NKAIN2: variants seen among roughly 807,000 people sequenced by gnomAD.
NKAIN2 encodes the protein sodium/potassium transporting ATPase interacting 2.
In NKAIN2, 14 loss-of-function variants were observed where a neutral mutation model predicts 32.6. That is an observed-to-expected ratio of 0.43 (90% confidence interval 0.28 to 0.67). The LOEUF is 0.67. Among genes scored for constraint, NKAIN2 ranks in the 30% least tolerant of loss-of-function variants. NKAIN2 has a pLI of 0.17. For synonymous variants in NKAIN2, 80 were observed against 87.2 expected, an observed-to-expected ratio of 0.92 and a Z score of 0.46; for missense variants, 198 against 258.3, an observed-to-expected ratio of 0.77 and a Z score of 1.60.
At chr6:124,312,739 G>C (rs1479974874) in intron 2 of NKAIN2, among the ~76,000 whole-genome samples, 1 of 152,148 alleles carries the variant, frequency 6.6e-6, no homozygotes, top group Non-Finnish European at 1.5e-5. Context: ...AATGTGATTG[G>C]ACAAAAGGGT....
At position 124,186,205 on chromosome 6, in the gene NKAIN2, G is replaced by A. The variant is rs538701250; in HGVS notation, c.55-96800G>A. Among the ~76,000 whole-genome samples, 138 of 111,636 alleles carry A rather than the reference G, an allele frequency of 1.2e-3. 1 individual carries two copies. Among genetic ancestry groups the A allele is most frequent in the African/African-American group, 7.4e-3 (134 of 18,066 alleles). The allele number at this position is 111,636 out of a possible 152,430, so 73.2% of individuals were successfully genotyped here. On this transcript the variant is annotated intron_variant, in intron 1 of 6. Transcript: ENST00000368417. ...AGAAAGGAAGGAAGGAAGGAAAGAA[G>A]GAAAGAAGGAAGGAAGGAAGGAAAG...
chr6:124,173,292 A>G (rs1421658591), intron 1 of NKAIN2, among the ~76,000 whole-genome samples: 4 of 151,772 alleles, frequency 2.6e-5, no homozygotes, highest in East Asian at 1.9e-4. Flanking sequence ...CATAACACCA[A>G]CCTGTTCTAC....
intron 4 of NKAIN2, among the ~76,000 whole-genome samples, chr6:124,677,682 A>G (rs984058622): frequency 2.0e-5 from 3 of 152,162 alleles, no homozygotes; most frequent in African/African-American, 4.8e-5. Context: ...ACATATTTTT[A>G]TAGTAATAGT....
intron 2 of NKAIN2, among the ~76,000 whole-genome samples, chr6:124,298,098 C>T (rs1458923814): frequency 6.6e-6 from 1 of 152,026 alleles, no homozygotes. Context: ...TCAACATGAT[C>T]CTTGGCCATG....
chr6:124,566,295 T>G (rs75133458), intron 3 of NKAIN2, among the ~76,000 whole-genome samples: 6,782 of 152,254 alleles, frequency 0.045, 304 homozygotes, highest in East Asian at 0.24. Context: ...GGGAGAGAAG[T>G]CAGTATGGGC....
intron 4 of NKAIN2, among the ~76,000 whole-genome samples, chr6:124,731,895 A>T (rs979438850): frequency 6.6e-6 from 1 of 152,140 alleles, no homozygotes; most frequent in African/African-American, 2.4e-5. Flanking sequence ...TCTACATAAC[A>T]GTATCTATAA....
chr6:124,094,038 C>T (rs1267868548), intron 1 of NKAIN2, among the ~76,000 whole-genome samples: 1 of 152,094 alleles, frequency 6.6e-6, no homozygotes, highest in African/African-American at 2.4e-5. Flanking sequence ...TTCACTGTGG[C>T]GTCTGAACAG....
intron 1 of NKAIN2, among the ~76,000 whole-genome samples, chr6:123,920,238 A>G (rs755940325): frequency 1.2e-4 from 19 of 152,172 alleles, no homozygotes; most frequent in African/African-American, 1.9e-4. Context: ...AGTGGCAGTA[A>G]CAACGCTGGC....
Position 124,567,252 on chromosome 6 carries a change from C to T in NKAIN2, c.274-90934C>T, listed in dbSNP as rs543259722. On this transcript the variant is annotated intron_variant, in intron 3 of 6. Coordinates refer to ENST00000368417, the MANE Select transcript of NKAIN2 (RefSeq NM_001040214.3). Reference sequence around the variant, plus strand: ...AGACTGCTTACAACTATAGTGTAAACGGCACACAGGACGCATGACTATTAT... The same window carrying T: ...AGACTGCTTACAACTATAGTGTAAATGGCACACAGGACGCATGACTATTAT... Among the ~76,000 whole-genome samples, 48 of 152,290 alleles carry T rather than the reference C, an allele frequency of 3.2e-4. 1 individual carries two copies. The highest frequency in any genetic ancestry group is 8.2e-4 in the African/African-American group (34 of 41,564).
intron 2 of NKAIN2, among the ~76,000 whole-genome samples, chr6:124,329,992 G>A (rs963218824): frequency 2.0e-5 from 3 of 152,174 alleles, no homozygotes; most frequent in African/African-American, 4.8e-5. Context: ...AAGGATGCAA[G>A]GGATCCAATG....
intron 3 of NKAIN2, among the ~76,000 whole-genome samples, chr6:124,540,799 T>C (rs996992996): frequency 6.6e-6 from 1 of 152,218 alleles, no homozygotes; most frequent in Admixed American, 6.5e-5. Context: ...ACATGAGATA[T>C]TCAACACTTT....
chr6:124,075,379 ATATCT>A (rs1783648947), intron 1 of NKAIN2, among the ~76,000 whole-genome samples: 1 of 152,194 alleles, frequency 6.6e-6, no homozygotes, highest in Admixed American at 6.6e-5. Context: ...TATAAGCATG[ATATCT>A]TAATTGACAT....
At chr6:124,072,545 G>A (rs553559695) in intron 1 of NKAIN2, among the ~76,000 whole-genome samples, 12 of 151,976 alleles carry the variant, frequency 7.9e-5, no homozygotes, top group Non-Finnish European at 1.5e-4. Flanking sequence ...TCAAGCCTCC[G>A]CATTAAGCCA....
At chr6:124,382,175 T>C (rs1772674933) in intron 3 of NKAIN2, among the ~76,000 whole-genome samples, 1 of 152,112 alleles carries the variant, frequency 6.6e-6, no homozygotes, top group Non-Finnish European at 1.5e-5. Context: ...TAATCCTATA[T>C]CCAATCAATA....
chr6:124,400,835 C>A (rs1773594802), intron 3 of NKAIN2, among the ~76,000 whole-genome samples: 1 of 152,170 alleles, frequency 6.6e-6, no homozygotes, highest in South Asian at 2.1e-4. Context: ...CATGCTCACT[C>A]TCCTAATCAG....
chr6:124,696,046 C>A (rs1361613416), intron 4 of NKAIN2, among the ~76,000 whole-genome samples: 3 of 152,088 alleles, frequency 2.0e-5, no homozygotes, highest in African/African-American at 7.2e-5. Context: ...ACTGAGAGGG[C>A]AAACTCATCT....
chr6:124,554,996 G>C (rs1169699466), intron 3 of NKAIN2, among the ~76,000 whole-genome samples: 1 of 143,140 alleles, frequency 7.0e-6, no homozygotes. Context: ...ATCATCTCTT[G>C]TTTCCTGCAC....
intron 3 of NKAIN2, among the ~76,000 whole-genome samples, chr6:124,437,242 G>A (rs926863483): frequency 2.6e-5 from 4 of 152,136 alleles, no homozygotes; most frequent in South Asian, 4.1e-4. Context: ...AAATCCAAAA[G>A]GGCAGGGAAT....
chr6:123,817,845 G>A (rs1773758666), intron 1 of NKAIN2, among the ~76,000 whole-genome samples: 1 of 152,110 alleles, frequency 6.6e-6, no homozygotes, highest in African/African-American at 2.4e-5. Context: ...AGGAAAGGGG[G>A]GTGCTGAATA....
Sources: allele counts gnomAD v4.1 joint callset (sites outside exome capture counted in the v4.1 genomes callset), GRCh38; gene constraint gnomAD v4.1.1; transcripts MANE v1.5; gene names NCBI Gene and HGNC (gene_info 2026-07-23, HGNC 2026-07-21).